The following TOMT variants were observed in gnomAD, a reference collection of about 807,000 sequenced individuals.
The protein encoded by TOMT is transmembrane O-methyltransferase.
In TOMT, 23 loss-of-function variants were observed where a neutral mutation model predicts 21.7. The ratio of observed to expected loss-of-function variants is 1.06; its 90% CI spans 0.76 to 1.50. The LOEUF is 1.50. TOMT is among the 40% of genes most tolerant of loss of function. The pLI is 0.00. For synonymous variants in TOMT, 132 were observed against 150.8 expected, an observed-to-expected ratio of 0.88 and a Z score of 0.91; for missense variants, 331 against 348.7, an observed-to-expected ratio of 0.95 and a Z score of 0.41.
exon 3 of TOMT, chr11:72,109,071 C>T (rs553247286): frequency 1.5e-6 from 1 of 688,070 alleles, no homozygotes; most frequent in Non-Finnish European, 2.4e-6. Context: ...TGACCTCTTT[C>T]AGCCTCTACA....
exon 1 of TOMT, chr11:72,106,013 G>C: frequency 6.4e-7 from 1 of 1,551,016 alleles, no homozygotes; most frequent in Non-Finnish European, 8.7e-7. Context: ...GTGCGGTACC[G>C]GCACTACTTC....
At chr11:72,107,129 TG>T (rs58762963) in intron 1 of TOMT, 35,064 of 360,242 alleles carry the variant, frequency 0.097, 2,383 homozygotes, top group East Asian at 0.22. Context: ...TAGCCGGGTG[TG>T]GTGGTGAGTA....
exon 1 of TOMT, chr11:72,106,086 C>G: frequency 1.3e-6 from 2 of 1,549,872 alleles, no homozygotes; most frequent in Non-Finnish European, 1.7e-6. Flanking sequence ...GGCTGCGGAT[C>G]GAGGAGCGGG....
chr11:72,108,540 G>A (rs1313531035), intron 2 of TOMT, 65 bp from the exon 3 acceptor site: 6 of 1,379,394 alleles, frequency 4.3e-6, no homozygotes, highest in South Asian at 1.6e-5. Flanking sequence ...GCCAGATCCT[G>A]GTGGGGTCTT....
exon 1 of TOMT, chr11:72,106,057 C>T (rs1945673445): frequency 7.7e-6 from 12 of 1,550,824 alleles, no homozygotes; most frequent in Non-Finnish European, 1.0e-5. Flanking sequence ...GCTGCGAAGC[C>T]TCCGAGACTG....
rs1458478764 is a variant in TOMT at position 72,107,693 on chromosome 11, G to A, written c.260-230G>A. On this transcript the variant is annotated intron_variant, in intron 1 of 2. Coordinates refer to ENST00000541899, the Ensembl canonical transcript of TOMT. Reference sequence around the variant, plus strand: ...AATCCCAAAGGCCTTCAGCTCACAGGAGCCAAGGAGTAATAAGGTCAGATT... The same window carrying A: ...AATCCCAAAGGCCTTCAGCTCACAGAAGCCAAGGAGTAATAAGGTCAGATT... 8.1e-6 allele frequency: 5 copies of A among 616,740 alleles called. No homozygotes were observed. In the Admixed American group the frequency reaches 8.3e-5, roughly 10 times the overall value. 38.2% of individuals were successfully genotyped at this position (616,740 alleles called of 1,614,324 possible).
At chr11:72,107,111 T>G in intron 1 of TOMT, 1 of 301,684 alleles carries the variant, frequency 3.3e-6, no homozygotes. Flanking sequence ...TACAAAAAAT[T>G]TAAAAATTAG....
chr11:72,108,826 C>A (rs1416957818), exon 3 of TOMT: 1 of 1,550,656 alleles, frequency 6.4e-7, no homozygotes, highest in East Asian at 2.4e-5. Flanking sequence ...ATGCTAAGAG[C>A]TGTGGCCGCT....
chr11:72,108,098 G>A, exon 2 of TOMT: 1 of 1,527,246 alleles, frequency 6.5e-7, no homozygotes, highest in African/African-American at 1.4e-5. Flanking sequence ...TCATCCGCCT[G>A]GCCGGCTTTG....
exon 3 of TOMT, chr11:72,108,647 C>G (rs1945985558): frequency 6.6e-7 from 1 of 1,510,266 alleles, no homozygotes; most frequent in Admixed American, 2.1e-5. Flanking sequence ...GATCCCGTGC[C>G]TACGCACCCA....
In TOMT at chr11:72,107,408, C is replaced by G. The variant is rs1426641058; in HGVS notation, c.260-515C>G. Reference sequence around the variant, plus strand: ...GGGTGGTTGTTTCTGCCTGGGACTTCATGGAGAAAGAGCAACATTTGAACT... The same window carrying G: ...GGGTGGTTGTTTCTGCCTGGGACTTGATGGAGAAAGAGCAACATTTGAACT... On this transcript the variant is annotated intron_variant, in intron 1 of 2. Coordinates refer to ENST00000541899, the Ensembl canonical transcript of TOMT. 6 of 699,396 alleles carry G rather than the reference C, an allele frequency of 8.6e-6. No individual in the cohort carries two copies. In the East Asian group the frequency reaches 1.6e-4, roughly 19 times the overall value. 43.3% of individuals were successfully genotyped at this position (699,396 alleles called of 1,614,324 possible).
rs556659741 is a variant in TOMT at position 72,108,556 on chromosome 11, G to A, written c.457-49G>A. ...CCAGATCCTGGTGGGGTCTTGACTG[G>A]GAGAACAATTCCCCCCACCCTCACC... On this transcript the variant is annotated intron_variant, in intron 2 of 2. Coordinates refer to ENST00000541899, the Ensembl canonical transcript of TOMT. 17 of 1,418,830 alleles carry A rather than the reference G, an allele frequency of 1.2e-5. No individual in the cohort carries two copies. In the East Asian group the frequency reaches 3.6e-4, roughly 30 times the overall value. The allele number at this position is 1,418,830 out of a possible 1,614,324, so 87.9% of individuals were successfully genotyped here. A position where few individuals can be genotyped will look rare whatever the true frequency, so the allele number is the denominator to read the frequency against.
At chr11:72,108,403 G>T (rs1265879715) in intron 2 of TOMT, among the ~76,000 whole-genome samples, 1 of 152,222 alleles carries the variant, frequency 6.6e-6, no homozygotes, top group African/African-American at 2.4e-5. Context: ...AGCAAAGCAT[G>T]CATCCTCTGA....
chr11:72,108,519 G>A (rs1945960631), intron 2 of TOMT, 86 bp from the exon 3 acceptor site: 1 of 1,242,130 alleles, frequency 8.1e-7, no homozygotes, highest in Non-Finnish European at 1.1e-6. Flanking sequence ...CCAGGACCTG[G>A]CATGAAGTAA....
At chr11:72,109,138 C>A in exon 3 of TOMT, 1 of 569,152 alleles carries the variant, frequency 1.8e-6, no homozygotes, top group Non-Finnish European at 3.2e-6. Flanking sequence ...CCCCCTCTTT[C>A]CAGAGAGAAC....
exon 1 of TOMT, chr11:72,106,123 C>T: frequency 6.5e-7 from 1 of 1,546,206 alleles, no homozygotes; most frequent in African/African-American, 1.4e-5. Context: ...CACCCATGCC[C>T]TGCCCGGTGA....
At chr11:72,107,676 A>C in intron 1 of TOMT, 1 of 616,970 alleles carries the variant, frequency 1.6e-6, no homozygotes, top group Non-Finnish European at 2.9e-6. Context: ...TCAATCCCAA[A>C]GGCCTTCAGC....
At position 72,106,220 on chromosome 11, in the gene TOMT, C is replaced by A. The variant is rs919376046; in HGVS notation, c.259+10C>A. ...ATGGGGCCTGTCAAAGGTCAGTGTT[C>A]CCTAGCCTTCTGCTCCAAGAAGTAC... On this transcript the variant is annotated intron_variant, in intron 1 of 2. Coordinates refer to ENST00000541899, the Ensembl canonical transcript of TOMT. The A allele has an allele frequency of 6.8e-7, 1 of 1,468,106 alleles. No individual in the cohort carries two copies. The highest frequency in any genetic ancestry group is 9.0e-7 in the Non-Finnish European group (1 of 1,105,358). The allele number at this position is 1,468,106 out of a possible 1,614,324, so 90.9% of individuals were successfully genotyped here.
intron 1 of TOMT, chr11:72,107,516 G>A (rs1379081540): frequency 1.4e-6 from 1 of 703,002 alleles, no homozygotes; most frequent in Non-Finnish European, 2.6e-6. Context: ...CATGTGGCAT[G>A]AAGGAATGAG....
Sources: gnomAD v4.1 joint callset for allele counts (sites outside exome capture counted in the v4.1 genomes callset) on GRCh38, gnomAD v4.1.1 for gene constraint, MANE v1.5 for transcripts, NCBI Gene and HGNC (gene_info 2026-07-23, HGNC 2026-07-21) for gene names.